ANK2: variants seen among roughly 807,000 people sequenced by gnomAD.
The protein encoded by ANK2 is ankyrin 2, also known as ankyrin-2.
Under a neutral mutation model 360.5 loss-of-function variants are expected in ANK2, and 83 were observed. The observed-to-expected ratio is 0.23, with a 90% CI of 0.19 to 0.28. ANK2 has a LOEUF of 0.28. ANK2 is among the 10% of genes least tolerant of loss of function. The pLI, the probability that ANK2 is intolerant of heterozygous loss-of-function variation, is 1.00. For synonymous variants in ANK2, 1,740 were observed against 1,759.5 expected (o/e 0.99, Z 0.28); for missense variants, 4,201 against 4,795.7 (o/e 0.88, Z 3.66).
the ANK2 span, among the ~76,000 whole-genome samples, chr4:112,728,787 A>G: frequency 2.6e-5 from 4 of 152,180 alleles, no homozygotes; most frequent in South Asian, 8.3e-4. Flanking sequence ...ATGTATATAC[A>G]CAGAAAATTT....
Position 113,237,636 on chromosome 4 carries a change from G to A in ANK2, c.693+14G>A. 1 of 1,600,814 alleles carries A rather than the reference G, an allele frequency of 6.2e-7. No homozygotes were observed. Among genetic ancestry groups the A allele is most frequent in the Non-Finnish European group, 8.6e-7 (1 of 1,168,070 alleles). ...AGGACAACTGAGGTACAGTATTGTG[G>A]TTATACCAAAATTTACCTTGTCTTT... On this transcript the variant is annotated intron_variant, in intron 7 of 45. Coordinates refer to ENST00000357077, the MANE Select transcript of ANK2 (RefSeq NM_001148.6).
In ANK2 at chr4:113,355,868, A is replaced by G; in HGVS notation, c.7250A>G (p.Asp2417Gly). The G allele has an allele frequency of 6.2e-7, 1 of 1,614,112 alleles. No homozygotes were observed. Among genetic ancestry groups the G allele is most frequent in the Non-Finnish European group, 8.5e-7 (1 of 1,179,974 alleles). ...TTAGAACTTGCACTCCCTAGCCGAG[A>G]TAGCGAAGTCCTCAGCGCTGTGGCT... Reference protein sequence around the residue: ...QGLELALPSRDSEVLSAVADD... With the variant: ...QGLELALPSRGSEVLSAVADD... Residue 2417 changes from aspartate (D) to glycine (G), a missense_variant, in exon 38 of 46, where the codon GAT becomes GGT. By Grantham distance (94) the Asp-to-Gly change is moderately conservative. Around this residue, in one of 4 missense-constraint regions of ANK2, gnomAD observed 2,642 missense variants for 2,714.5 expected, o/e 0.97. Coordinates refer to ENST00000357077, the MANE Select transcript of ANK2 (RefSeq NM_001148.6).
At chr4:113,235,662 T>C (rs1429338488) in intron 5 of ANK2, among the ~76,000 whole-genome samples, 1 of 152,132 alleles carries the variant, frequency 6.6e-6, no homozygotes, top group African/African-American at 2.4e-5. Context: ...GTCGAACTCC[T>C]GAACCTCAGG....
At chr4:113,290,099 C>T (rs1050778143) in intron 20 of ANK2, among the ~76,000 whole-genome samples, 2 of 151,810 alleles carry the variant, frequency 1.3e-5, no homozygotes, top group South Asian at 2.1e-4. Flanking sequence ...AATGGTCTCC[C>T]TGGAGTTTGA....
chr4:113,020,299 A>G (rs949185117), intron 2 of ANK2, among the ~76,000 whole-genome samples: 7 of 151,956 alleles, frequency 4.6e-5, no homozygotes, highest in South Asian at 2.1e-4. Flanking sequence ...CCATTTTTCT[A>G]CCTCAGCCTT....
rs771519001 is a variant in ANK2, at chr4:113,353,058, A to G, written c.4440A>G (p.Glu1480=). 2 of 1,613,610 alleles carry G rather than the reference A, an allele frequency of 1.2e-6. No homozygotes were observed. Among genetic ancestry groups the G allele is most frequent in the Non-Finnish European group, 1.7e-6 (2 of 1,179,664 alleles). ...TTCACATCAAAGATGATGAGACAGAATCTACAGAAACATCTGTCCTGAAAA... is the reference window on the plus strand; with the variant it reads ...TTCACATCAAAGATGATGAGACAGAGTCTACAGAAACATCTGTCCTGAAAA... ...DMTSEKNDET[E]STETSVLKSH... The change falls in exon 38 of 46, where the codon GAA becomes GAG. Residue 1480 remains glutamate (E), a synonymous_variant. Coordinates refer to ENST00000357077, the MANE Select transcript of ANK2 (RefSeq NM_001148.6).
chr4:113,269,672 A>G lies in ANK2; in HGVS notation c.1485+4677A>G, dbSNP rs766075686. On this transcript the variant is annotated intron_variant, in intron 14 of 45. Coordinates refer to ENST00000357077, the MANE Select transcript of ANK2 (RefSeq NM_001148.6). ...GTTGGAAATGCATAAATCACCTGCC[A>G]TCTGTGTTGATCTCGCTGGGATCTG... Among the ~76,000 whole-genome samples the G allele has an allele frequency of 6.4e-4, 97 of 152,296 alleles. 1 individual carries two copies. The highest frequency in any genetic ancestry group is 4.4e-3 in the Admixed American group (68 of 15,314).
At chr4:112,719,652 CA>C in the ANK2 span, among the ~76,000 whole-genome samples, 3 of 150,462 alleles carry the variant, frequency 2.0e-5, no homozygotes, top group African/African-American at 7.4e-5. Flanking sequence ...GGCGTGAACC[CA>C]GGGGGCGGAG....
Position 113,142,831 on chromosome 4 carries a change from G to A in ANK2, c.85-31585G>A, listed in dbSNP as rs183424059. Among the ~76,000 whole-genome samples the A allele has an allele frequency of 3.0e-3, 461 of 152,140 alleles. 4 individuals carry two copies. The highest frequency in any genetic ancestry group is 5.0e-3 in the Non-Finnish European group (341 of 67,994). On this transcript the variant is annotated intron_variant, in intron 1 of 45. Coordinates refer to ENST00000357077, the MANE Select transcript of ANK2 (RefSeq NM_001148.6). ...ACTTGGTTGGTTCATACTCTCAGTG[G>A]TTTTTTCGTTCTTAACAAAGCACTG...
intron 1 of ANK2, among the ~76,000 whole-genome samples, chr4:113,125,930 G>T (rs1460568295): frequency 6.6e-6 from 1 of 152,140 alleles, no homozygotes. Context: ...GGTGTTACCT[G>T]GGAGATGAAA....
intron 2 of ANK2, among the ~76,000 whole-genome samples, chr4:113,020,847 A>G (rs1579212055): frequency 7.2e-6 from 1 of 139,644 alleles, no homozygotes; most frequent in Non-Finnish European, 1.6e-5. Flanking sequence ...AAAATCTACC[A>G]AAACAAGAAA....
chr4:113,098,768 A>G (rs6850936), intron 1 of ANK2, among the ~76,000 whole-genome samples: 124,486 of 151,908 alleles, frequency 0.82, 51,581 homozygotes, highest in African/African-American at 0.95. Flanking sequence ...TCATGAAAAT[A>G]ATGTAAAAAT....
At chr4:112,728,709 A>C in the ANK2 span, among the ~76,000 whole-genome samples, 1 of 152,176 alleles carries the variant, frequency 6.6e-6, no homozygotes, top group African/African-American at 2.4e-5. Flanking sequence ...GCTGGACTCC[A>C]GCCTGGGTAA....
At chr4:113,156,998 A>G (rs1451097320) in intron 1 of ANK2, among the ~76,000 whole-genome samples, 2 of 152,044 alleles carry the variant, frequency 1.3e-5, no homozygotes, top group Non-Finnish European at 1.5e-5. Flanking sequence ...ATGAAAGGGC[A>G]TAGACATTTT....
intron 1 of ANK2, among the ~76,000 whole-genome samples, chr4:113,076,189 G>A (rs1299686739): frequency 1.3e-5 from 2 of 152,228 alleles, no homozygotes; most frequent in Non-Finnish European, 2.9e-5. Context: ...TAACACGAAC[G>A]ATAGTTGATG....
the ANK2 span, among the ~76,000 whole-genome samples, chr4:112,810,153 ATATATATTTTTTT>A: frequency 1.4e-3 from 34 of 23,498 alleles, no homozygotes; most frequent in East Asian, 9.0e-3. Context: ...ATATATATAT[ATATATATTTTTTT>A]TTTTTTTTTT....
At chr4:113,145,965 G>A in intron 1 of ANK2, 1 of 1,289,794 alleles carries the variant, frequency 7.8e-7, no homozygotes, top group African/African-American at 1.5e-5. Context: ...AGACTACTAT[G>A]GCTGTAACAG....
At position 113,330,331 on chromosome 4, in the gene ANK2, C is replaced by T. The variant is rs1393086626; in HGVS notation, c.2986C>T (p.Arg996Trp). Residue 996 changes from arginine (R) to tryptophan (W), a missense_variant, in exon 27 of 46, where the codon CGG becomes TGG. Coordinates refer to ENST00000357077, the MANE Select transcript of ANK2 (RefSeq NM_001148.6). ...HNGLRIIIPP[R>W]KCTAPTRVTC... is the part of the protein sequence containing the mutation. Reference sequence around the variant, plus strand: ...TGGGCTCCGAATCATTATTCCACCTCGGAAATGTACTGCTCCAACGCGAGT... The same window carrying T: ...TGGGCTCCGAATCATTATTCCACCTTGGAAATGTACTGCTCCAACGCGAGT... 12 of 1,614,088 alleles carry T rather than the reference C, an allele frequency of 7.4e-6. No homozygotes were observed. The highest frequency in any genetic ancestry group is 3.3e-5 in the South Asian group (3 of 91,084).
Position 112,971,831 on chromosome 4 carries a change from C to T in ANK2, c.21+67317C>T, listed in dbSNP as rs148379877. ...GTCATAGGGCTATTTCCTCAACGTA[C>T]CCTATGATGAAAGACTCAGACATAA... On this transcript the variant is annotated intron_variant, in intron 2 of 30. Coordinates refer to the ANK2 transcript ENST00000503271. Among the ~76,000 whole-genome samples, 189 of 152,232 alleles carry T rather than the reference C, an allele frequency of 1.2e-3. 4 individuals are homozygous for T. The East Asian group carries it at 0.031, about 25-fold the overall frequency.
Sources: allele counts gnomAD v4.1 joint callset (sites outside exome capture counted in the v4.1 genomes callset), GRCh38; gene constraint gnomAD v4.1.1; regional missense constraint gnomAD v4.1.1; transcripts MANE v1.5; gene names NCBI Gene and HGNC (gene_info 2026-07-23, HGNC 2026-07-21).